FHDC1: variants seen among roughly 807,000 people sequenced by gnomAD.
FHDC1 encodes FH2 domain-containing protein 1.
A neutral mutation model predicts 52.6 loss-of-function variants in FHDC1; 25 were observed. The observed-to-expected ratio is 0.48, with a 90% CI of 0.35 to 0.66. FHDC1 has a LOEUF of 0.66. Among genes scored for constraint, FHDC1 ranks in the 30% least tolerant of loss-of-function variants. The pLI is 0.01. For synonymous variants in FHDC1, 616 were observed against 581.5 expected (o/e 1.06, Z -0.85); for missense variants, 1,459 against 1,452.8 (o/e 1.00, Z -0.07).
At chr4:152,959,013 A>G (rs1339569940) in intron 4 of FHDC1, among the ~76,000 whole-genome samples, 1 of 152,192 alleles carries the variant, frequency 6.6e-6, no homozygotes, top group Non-Finnish European at 1.5e-5. Context: ...CACTTTGTGG[A>G]TCTTTGCAAA....
At position 152,976,382 on chromosome 4, in the gene FHDC1, C is replaced by G; in HGVS notation, c.3091C>G (p.Arg1031Gly). The G allele has an allele frequency of 1.2e-6, 2 of 1,613,788 alleles. No homozygotes were observed. Among genetic ancestry groups the G allele is most frequent in the Middle Eastern group, 1.6e-4 (1 of 6,062 alleles). ...GCCCAGCGTCCCCCACGAACTACCCCGTGTCCCGAGCTTTGCCCGGAACAC... is the reference window on the plus strand; with the variant it reads ...GCCCAGCGTCCCCCACGAACTACCCGGTGTCCCGAGCTTTGCCCGGAACAC... ...SVPSVPHELP[R>G]VPSFARNTVA... is the part of the protein sequence containing the mutation. The change falls in exon 12 of 12, where the codon CGT (arginine) becomes GGT (glycine). Residue 1031 changes from arginine to glycine, a missense_variant. Arg to Gly is a moderately radical substitution (Grantham distance 125). Around this residue, in one of 3 missense-constraint regions of FHDC1, gnomAD observed 939 missense variants for 854.5 expected, o/e 1.10. Coordinates refer to ENST00000511601, the MANE Select transcript of FHDC1 (RefSeq NM_001371116.1).
At chr4:152,956,792 TCA>T (rs1345698117) in intron 4 of FHDC1, among the ~76,000 whole-genome samples, 1 of 152,186 alleles carries the variant, frequency 6.6e-6, no homozygotes, top group African/African-American at 2.4e-5. Flanking sequence ...GCGTGCTTGG[TCA>T]CACTTCGCCT....
chr4:152,963,767 T>TTG (rs1740361083), intron 8 of FHDC1, among the ~76,000 whole-genome samples: 2 of 109,064 alleles, frequency 1.8e-5, no homozygotes, highest in South Asian at 6.7e-4. Context: ...ATCCATTGCT[T>TTG]TGTTTTTTTT....
chr4:152,926,463 G>A, the FHDC1 span, among the ~76,000 whole-genome samples: 1 of 151,304 alleles, frequency 6.6e-6, no homozygotes. Flanking sequence ...AACCAGAAAG[G>A]GCTTGATTTA....
At chr4:152,969,319 T>A (rs1740563455) in intron 10 of FHDC1, among the ~76,000 whole-genome samples, 1 of 152,236 alleles carries the variant, frequency 6.6e-6, no homozygotes, top group Admixed American at 6.5e-5. Context: ...TTTGTTTGGC[T>A]CTGCTGTGAG....
chr4:152,954,370 T>A (rs374994385), intron 4 of FHDC1, 51 bp downstream of exon 4: 4 of 1,473,584 alleles, frequency 2.7e-6, no homozygotes, highest in Non-Finnish European at 3.8e-6. Context: ...TCATAAAAGC[T>A]TAATATTTTT....
At chr4:152,962,749 G>C in intron 6 of FHDC1, 65 bp from the exon 7 acceptor site, 2 of 1,320,706 alleles carry the variant, frequency 1.5e-6, no homozygotes, top group African/African-American at 1.4e-5. Flanking sequence ...GGATGTGGTA[G>C]CTGTCTTTTG....
At chr4:152,946,922 G>A (rs1739749845) in intron 2 of FHDC1, among the ~76,000 whole-genome samples, 1 of 152,152 alleles carries the variant, frequency 6.6e-6, no homozygotes, top group Non-Finnish European at 1.5e-5. Context: ...TAGTGAGTTA[G>A]AACATTTAGT....
Position 152,968,158 on chromosome 4 carries a change from G to C in FHDC1, c.1218+61G>C, listed in dbSNP as rs113130634. The stretch of plus-strand genomic sequence containing the variant: ...ATCTCCCAGCAGCACCCCGGGGCTG[G>C]TTAAATTTGCATGGGTGTATTTGTG... On this transcript the variant is annotated intron_variant, in intron 10 of 11. Coordinates refer to ENST00000511601, the MANE Select transcript of FHDC1 (RefSeq NM_001371116.1). 2.9e-3 allele frequency: 3,552 copies of C among 1,238,908 alleles called. 73 individuals are homozygous for C. The African/African-American group carries it at 0.048, about 17-fold the overall frequency. 76.7% of individuals were successfully genotyped at this position (1,238,908 alleles called of 1,614,324 possible).
chr4:152,957,696 A>G (rs1272853356), intron 4 of FHDC1, among the ~76,000 whole-genome samples: 1 of 152,356 alleles, frequency 6.6e-6, no homozygotes, highest in East Asian at 1.9e-4. Flanking sequence ...ATATAAACGG[A>G]AACAGCCCTT....
In FHDC1 at chr4:152,972,402, T is replaced by A; in HGVS notation, c.1244T>A (p.Leu415Gln). The stretch of plus-strand genomic sequence containing the variant: ...TTTGCCATAGAAAAGCTGAGGGAAC[T>A]GGAATGCTGGAAACAAGAGCTCCAG... Reference protein sequence around the residue: ...LQFAIEKLRELECWKQELQDE... With the variant: ...LQFAIEKLREQECWKQELQDE... Residue 415 changes from leucine (L) to glutamine (Q), a missense_variant, in exon 11 of 12, where the codon CTG (leucine) becomes CAG (glutamine). Leu to Gln is a moderately radical substitution (Grantham distance 113, BLOSUM62 -2). Around this residue, in one of 3 missense-constraint regions of FHDC1, gnomAD observed 513 missense variants for 581.5 expected, o/e 0.88. Transcript: ENST00000511601. 1 of 1,603,128 alleles carries A rather than the reference T, an allele frequency of 6.2e-7. No individual in the cohort carries two copies. The highest frequency in any genetic ancestry group is 8.5e-7 in the Non-Finnish European group (1 of 1,177,428).
rs201296646 is a variant in FHDC1, at chr4:152,972,475, C to G, written c.1317C>G (p.Thr439=). The change falls in exon 11 of 12, where the codon ACC becomes ACG. Residue 439 remains threonine (T), a synonymous_variant. Transcript: ENST00000511601. The part of the protein sequence containing the change: ...LIDFFCEDKK[T]MKLDECFQIF... ...ATTTTTTCTGTGAAGACAAAAAAAC[C>G]ATGAAACTGGATGAATGCTTTCAGA... is the stretch of plus-strand genomic sequence containing the variant. 6.4e-5 allele frequency: 103 copies of G among 1,613,908 alleles called. No homozygotes were observed. In the East Asian group the frequency reaches 2.1e-3, roughly 34 times the overall value.
At chr4:152,913,735 A>G in the FHDC1 span, among the ~76,000 whole-genome samples, 2 of 152,146 alleles carry the variant, frequency 1.3e-5, no homozygotes, top group East Asian at 3.9e-4. Context: ...CTGCGGTGCA[A>G]TGGCGCGATC....
chr4:152,963,765 CTTTGTTTTTTTTTTTT>C (rs1740360869), intron 8 of FHDC1, among the ~76,000 whole-genome samples: 4 of 50,874 alleles, frequency 7.9e-5, no homozygotes, highest in Non-Finnish European at 1.6e-4. Flanking sequence ...CTATCCATTG[CTTTGTTTTTTTTTTTT>C]TTTTTTTTTT....
At chr4:152,942,456 C>T (rs979198387) in intron 1 of FHDC1, among the ~76,000 whole-genome samples, 1 of 152,098 alleles carries the variant, frequency 6.6e-6, no homozygotes, top group African/African-American at 2.4e-5. Flanking sequence ...CTGTCTTATC[C>T]GTCCAAGGTG....
intron 2 of FHDC1, among the ~76,000 whole-genome samples, chr4:152,945,849 C>T (rs929746837): frequency 3.3e-5 from 5 of 152,162 alleles, no homozygotes; most frequent in South Asian, 2.1e-4. Flanking sequence ...TTTCGTGCTG[C>T]GGAACTGAAA....
intron 8 of FHDC1, 123 bp from the exon 9 acceptor site, chr4:152,964,782 A>C (rs983605528): frequency 1.4e-6 from 1 of 727,614 alleles, no homozygotes; most frequent in Non-Finnish European, 2.3e-6. Context: ...TCTCAGTGAA[A>C]TGCTTTGAAT....
intron 2 of FHDC1, among the ~76,000 whole-genome samples, chr4:152,951,520 T>TA (rs919250706): frequency 2.0e-5 from 3 of 152,130 alleles, no homozygotes; most frequent in African/African-American, 7.2e-5. Flanking sequence ...ATGTGACTGT[T>TA]AAAGATTAGT....
chr4:152,932,646 C>T (rs1739272428), upstream of FHDC1, among the ~76,000 whole-genome samples: 1 of 152,130 alleles, frequency 6.6e-6, no homozygotes, highest in Non-Finnish European at 1.5e-5. Flanking sequence ...AATCTTAATA[C>T]TGAACAACTG....
Sources: allele counts gnomAD v4.1 joint callset (sites outside exome capture counted in the v4.1 genomes callset), GRCh38; gene constraint gnomAD v4.1.1; regional missense constraint gnomAD v4.1.1; transcripts MANE v1.5; gene names NCBI Gene and HGNC (gene_info 2026-07-23, HGNC 2026-07-21).